The following RPRD2 variants were observed in gnomAD, a reference collection of about 807,000 sequenced individuals.
RPRD2 encodes regulation of nuclear pre-mRNA domain-containing protein 2.
RPRD2 carries 12 observed loss-of-function variants against 104.4 expected under a neutral mutation model. The observed-to-expected ratio is 0.11, with a 90% CI of 0.07 to 0.19. RPRD2 has a LOEUF of 0.19. Ranked by LOEUF, RPRD2 falls within the 10% of genes least tolerant of loss-of-function variation. The probability of loss-of-function intolerance (pLI) is 1.00; values close to 1 mark genes in which losing one functional copy is unlikely to be tolerated. For synonymous variants in RPRD2, 714 were observed against 684.9 expected, an observed-to-expected ratio of 1.04 and a Z score of -0.66; for missense variants, 1,543 against 1,790.1, an observed-to-expected ratio of 0.86 and a Z score of 2.49.
At chr1:150,380,428 G>A (rs1384726398) in intron 1 of RPRD2, among the ~76,000 whole-genome samples, 3 of 151,554 alleles carry the variant, frequency 2.0e-5, no homozygotes, top group Non-Finnish European at 2.9e-5. Flanking sequence ...GGGTTCAAGC[G>A]ATTCTCCTGT....
intron 2 of RPRD2, among the ~76,000 whole-genome samples, chr1:150,433,652 G>A (rs946290452): frequency 6.7e-6 from 1 of 148,396 alleles, no homozygotes; most frequent in African/African-American, 2.5e-5. Flanking sequence ...CACAGTGTTA[G>A]CCAGGATGGT....
intron 1 of RPRD2, among the ~76,000 whole-genome samples, chr1:150,395,798 C>T (rs999632395): frequency 6.6e-6 from 1 of 152,146 alleles, no homozygotes; most frequent in Non-Finnish European, 1.5e-5. Flanking sequence ...CGTGAGCCAC[C>T]GCGTCCGGCC....
At chr1:150,441,817 C>T in intron 3 of RPRD2, 64 bp from the exon 4 acceptor site, 4 of 1,141,218 alleles carry the variant, frequency 3.5e-6, no homozygotes, top group Non-Finnish European at 5.1e-6. Context: ...AACTTTGGCA[C>T]TGAAGTGGAC....
intron 1 of RPRD2, among the ~76,000 whole-genome samples, chr1:150,416,872 CAAAAAAA>C (rs782463847): frequency 2.8e-5 from 2 of 72,450 alleles, no homozygotes; most frequent in East Asian, 4.5e-4. Flanking sequence ...ACTCCATCTC[CAAAAAAA>C]AAAAAAAAAA....
chr1:150,373,099 T>C (rs1350695814), intron 1 of RPRD2, among the ~76,000 whole-genome samples: 1 of 151,996 alleles, frequency 6.6e-6, no homozygotes, highest in Non-Finnish European at 1.5e-5. Context: ...CTGCAACCTC[T>C]GCCTCCCGGG....
At chr1:150,393,191 G>C (rs1301839002) in intron 1 of RPRD2, among the ~76,000 whole-genome samples, 1 of 151,996 alleles carries the variant, frequency 6.6e-6, no homozygotes, top group Non-Finnish European at 1.5e-5. Flanking sequence ...AAAGAGGGCT[G>C]GGTGCGGTGG....
At chr1:150,462,620 G>A (rs1011790817) in intron 9 of RPRD2, among the ~76,000 whole-genome samples, 6 of 151,654 alleles carry the variant, frequency 4.0e-5, no homozygotes, top group South Asian at 2.1e-4. Context: ...GCAGTGGCGC[G>A]ATCTCAGCTC....
In RPRD2 at chr1:150,457,542, T is replaced by C. The variant is rs1162271430; in HGVS notation, c.1125T>C (p.Asp375=). 6.2e-7 allele frequency: 1 copy of C among 1,613,912 alleles called. No individual in the cohort carries two copies. The highest frequency in any genetic ancestry group is 8.5e-7 in the Non-Finnish European group (1 of 1,179,802). Residue 375 remains aspartate (D), a synonymous_variant, in exon 8 of 11, where the codon GAT becomes GAC. Coordinates refer to ENST00000369068, the MANE Select transcript of RPRD2 (RefSeq NM_015203.5). ...NRDVEDMELS[D]VEDDGSKIIV... is the part of the protein sequence containing the mutation. ...ATGTGGAAGACATGGAACTCTCAGA[T>C]GTGGAAGATGATGGGTCAAAAATCA...
Position 150,472,689 on chromosome 1 carries a change from G to T in RPRD2, c.3741G>T (p.Glu1247Asp), listed in dbSNP as rs1276011465. 6.2e-7 allele frequency: 1 copy of T among 1,613,730 alleles called. No homozygotes were observed. The highest frequency in any genetic ancestry group is 1.3e-5 in the African/African-American group (1 of 74,890). The change falls in exon 11 of 11, where the codon GAG (glutamate) becomes GAT (aspartate). Residue 1247 changes from glutamate (E) to aspartate (D), a missense_variant. Around this residue, in one of 4 missense-constraint regions of RPRD2, gnomAD observed 880 missense variants for 885.6 expected, o/e 0.99. Coordinates refer to ENST00000369068, the MANE Select transcript of RPRD2 (RefSeq NM_015203.5). ...SVDLSNPFTK[E>D]AALAHAAPPP... is the part of the protein sequence containing the mutation. ...ATCTTTCGAACCCCTTCACAAAGGA[G>T]GCAGCCCTGGCCCATGCTGCCCCAC... is the stretch of plus-strand genomic sequence containing the variant.
intron 2 of RPRD2, among the ~76,000 whole-genome samples, chr1:150,438,629 CA>C (rs141244603): frequency 7.0e-5 from 10 of 143,110 alleles, no homozygotes; most frequent in Admixed American, 2.1e-4. Context: ...ACTCTGTCTT[CA>C]AAAAAAAAAG....
chr1:150,453,933 C>T (rs11581051), intron 7 of RPRD2, among the ~76,000 whole-genome samples: 1 of 151,948 alleles, frequency 6.6e-6, no homozygotes, highest in African/African-American at 2.4e-5. Flanking sequence ...TTTAAGCAAG[C>T]CTTGTTCCAC....
intron 1 of RPRD2, among the ~76,000 whole-genome samples, chr1:150,372,748 G>A (rs1268738801): frequency 3.9e-5 from 6 of 152,112 alleles, no homozygotes; most frequent in African/African-American, 1.2e-4. Context: ...TATGAGGTGG[G>A]CATGTTCAAG....
chr1:150,364,274 T>A lies in RPRD2; in HGVS notation c.-441T>A, dbSNP rs2102055818. 6.6e-6 allele frequency among the ~76,000 whole-genome samples: 1 copy of A among 152,260 alleles called. No homozygotes were observed. The highest frequency in any genetic ancestry group is 2.1e-4 in the South Asian group (1 of 4,826). ...TGCAACTGAAGGGGCAGTCGGGTAG[T>A]ATTACATTTAAGATATTAACGCCCG... On this transcript the variant is annotated 5_prime_UTR_variant, in exon 1 of 11. Coordinates refer to ENST00000369068, the MANE Select transcript of RPRD2 (RefSeq NM_015203.5).
chr1:150,440,231 T>G (rs975500167), intron 2 of RPRD2, among the ~76,000 whole-genome samples: 17 of 152,130 alleles, frequency 1.1e-4, no homozygotes, highest in Admixed American at 4.6e-4. Flanking sequence ...GGTCTCAAAC[T>G]CCTGACCTCA....
chr1:150,452,118 G>A (rs1265123649), intron 7 of RPRD2, among the ~76,000 whole-genome samples: 2 of 148,584 alleles, frequency 1.3e-5, no homozygotes, highest in African/African-American at 5.0e-5. Context: ...CTCCAGCCTG[G>A]GCAAGAGAGC....
intron 10 of RPRD2, among the ~76,000 whole-genome samples, chr1:150,468,427 G>C (rs1317548044): frequency 6.6e-6 from 1 of 151,862 alleles, no homozygotes; most frequent in Non-Finnish European, 1.5e-5. Flanking sequence ...AGAAATCTGA[G>C]TAGTATATCT....
chr1:150,378,656 T>A (rs1408426073), intron 1 of RPRD2, among the ~76,000 whole-genome samples: 2 of 152,162 alleles, frequency 1.3e-5, no homozygotes, highest in Non-Finnish European at 1.5e-5. Context: ...AATTTTTGTT[T>A]TACAAAATAT....
rs1252965102 is a variant in RPRD2 at position 150,364,374 on chromosome 1, T to C, written c.-341T>C. ...TGAGAGCCGAAAAGTATAAAACGAT[T>C]AGTTTCGGCGTCAGGCGTTTTGAAA... On this transcript the variant is annotated 5_prime_UTR_variant, in exon 1 of 11. Transcript: ENST00000369068. 6.6e-6 allele frequency among the ~76,000 whole-genome samples: 1 copy of C among 152,080 alleles called. No homozygotes were observed. Among genetic ancestry groups the C allele is most frequent in the Non-Finnish European group, 1.5e-5 (1 of 67,992 alleles).
At chr1:150,465,133 C>T (rs1186993026) in intron 10 of RPRD2, among the ~76,000 whole-genome samples, 2 of 151,900 alleles carry the variant, frequency 1.3e-5, no homozygotes, top group East Asian at 3.9e-4. Flanking sequence ...GCATGAGCCA[C>T]CATGCCTGGT....
Sources: allele counts gnomAD v4.1 joint callset (sites outside exome capture counted in the v4.1 genomes callset), GRCh38; gene constraint gnomAD v4.1.1; regional missense constraint gnomAD v4.1.1; transcripts MANE v1.5; gene names NCBI Gene and HGNC (gene_info 2026-07-23, HGNC 2026-07-21).